The following RNF111 variants were observed in gnomAD, a reference collection of about 807,000 sequenced individuals.
The protein encoded by RNF111 is E3 ubiquitin-protein ligase Arkadia.
Under a neutral mutation model 95.1 loss-of-function variants are expected in RNF111, and 17 were observed. The observed-to-expected ratio is 0.18, with a 90% CI of 0.12 to 0.27. RNF111 has a LOEUF of 0.27. Ranked by LOEUF, RNF111 falls within the 10% of genes least tolerant of loss-of-function variation. The pLI is 1.00. For missense variants in RNF111, 1,189 were observed against 1,210.4 expected (o/e 0.98, Z 0.26); for synonymous variants, 440 against 414.8 (o/e 1.06, Z -0.74).
In RNF111 at chr15:59,096,960, C is replaced by A. The variant is rs1317631350; in HGVS notation, c.*2060C>A. 1 of 152,140 alleles carries A rather than the reference C, an allele frequency of 6.6e-6. No homozygotes were observed. Among genetic ancestry groups the A allele is most frequent in the African/African-American group, 2.4e-5 (1 of 41,432 alleles). The allele number at this position is 152,140 out of a possible 1,614,324, so 9.4% of individuals were successfully genotyped here. On this transcript the variant is annotated 3_prime_UTR_variant, in exon 14 of 14. Coordinates refer to ENST00000348370, the MANE Select transcript of RNF111 (RefSeq NM_017610.8). ...TACATCAGATTTAGATGCACGACTA[C>A]CTGTTGACTTGTTTTATAATTGCTA...
Position 59,031,396 on chromosome 15 carries a change from G to C in RNF111, c.574G>C (p.Val192Leu), listed in dbSNP as rs749652270. Residue 192 changes from valine to leucine, a missense_variant, in exon 2 of 14, where the codon GTA (valine) becomes CTA (leucine). Val to Leu is a conservative substitution (Grantham distance 32). Transcript: ENST00000348370. ...HKWPRTETES[V>L]SGLLMKRPCL... is the part of the protein sequence containing the mutation. ...GTGGCCTCGGACTGAGACAGAATCT[G>C]TATCGGGATTGTTAATGAAAAGACC... 2 of 1,614,234 alleles carry C rather than the reference G, an allele frequency of 1.2e-6. No individual in the cohort carries two copies. Among genetic ancestry groups the C allele is most frequent in the Non-Finnish European group, 1.7e-6 (2 of 1,180,048 alleles).
chr15:59,088,912 A>G (rs950388684), intron 10 of RNF111, among the ~76,000 whole-genome samples: 1 of 152,198 alleles, frequency 6.6e-6, no homozygotes, highest in Non-Finnish European at 1.5e-5. Context: ...CTTCAGCTCT[A>G]TGCTTGGGTG....
chr15:59,006,064 C>T lies in RNF111; in HGVS notation c.-20+17996C>T, dbSNP rs193208836. 3.3e-5 allele frequency among the ~76,000 whole-genome samples: 5 copies of T among 152,242 alleles called. No homozygotes were observed. The East Asian group carries it at 9.6e-4, about 29-fold the overall frequency. On this transcript the variant is annotated intron_variant, in intron 1 of 13. Transcript: ENST00000348370. ...ACCATCTAAAGTATATTTTTATCTC[C>T]AGTAGGCGTGGTCATTGTCAAGAGA...
At chr15:58,997,293 A>C (rs573397413) in intron 1 of RNF111, among the ~76,000 whole-genome samples, 1 of 152,206 alleles carries the variant, frequency 6.6e-6, no homozygotes, top group East Asian at 1.9e-4. Flanking sequence ...TTGACTCTTG[A>C]GGTAGCTCTT....
At chr15:59,089,433 T>G (rs1349930801) in intron 10 of RNF111, among the ~76,000 whole-genome samples, 11 of 152,362 alleles carry the variant, frequency 7.2e-5, no homozygotes, top group African/African-American at 2.4e-4. Context: ...TTTTCAAGTT[T>G]GAGCTACTAA....
At chr15:59,051,128 G>A (rs1230740055) in intron 2 of RNF111, among the ~76,000 whole-genome samples, 3 of 152,142 alleles carry the variant, frequency 2.0e-5, no homozygotes, top group African/African-American at 7.2e-5. Context: ...TCCAAGTTTA[G>A]AATGATTTAG....
intron 2 of RNF111, among the ~76,000 whole-genome samples, chr15:59,036,926 G>A (rs2041207314): frequency 6.6e-6 from 1 of 151,870 alleles, no homozygotes; most frequent in East Asian, 1.9e-4. Context: ...ACCTCCTTGG[G>A]CTCAGGTGAT....
chr15:59,047,516 A>G (rs1367145622), intron 2 of RNF111, among the ~76,000 whole-genome samples: 1 of 152,120 alleles, frequency 6.6e-6, no homozygotes, highest in Admixed American at 6.5e-5. Flanking sequence ...GACAAAAACC[A>G]GAGTAACTAA....
intron 5 of RNF111, among the ~76,000 whole-genome samples, chr15:59,063,284 C>T (rs1410160350): frequency 1.3e-5 from 2 of 152,178 alleles, no homozygotes; most frequent in Admixed American, 6.5e-5. Context: ...ATGTTAAAGG[C>T]CAGGACTTTC....
At chr15:59,072,163 T>C (rs2042955840) in intron 6 of RNF111, among the ~76,000 whole-genome samples, 1 of 152,194 alleles carries the variant, frequency 6.6e-6, no homozygotes, top group South Asian at 2.1e-4. Context: ...CTTGCCTTAA[T>C]GTTGGTGGCT....
chr15:59,027,850 T>TTC (rs2040699108), intron 1 of RNF111, among the ~76,000 whole-genome samples: 2 of 150,770 alleles, frequency 1.3e-5, no homozygotes, highest in Admixed American at 1.3e-4. Flanking sequence ...TTTTTTTTTT[T>TTC]TCCCCACTCT....
chr15:59,072,450 CTTTTTTTTTTTT>C (rs35989790), intron 6 of RNF111, among the ~76,000 whole-genome samples: 1 of 102,770 alleles, frequency 9.7e-6, no homozygotes, highest in Non-Finnish European at 1.8e-5. Flanking sequence ...TCATTTCCAT[CTTTTTTTTTTTT>C]TTTTTTTTTT....
At chr15:59,042,207 A>G (rs2041497531) in intron 2 of RNF111, among the ~76,000 whole-genome samples, 1 of 151,788 alleles carries the variant, frequency 6.6e-6, no homozygotes, top group Non-Finnish European at 1.5e-5. Context: ...GCTCATTGCA[A>G]CCTCAGCCTC....
chr15:59,053,948 T>C (rs1259204184), intron 3 of RNF111, among the ~76,000 whole-genome samples: 1 of 152,180 alleles, frequency 6.6e-6, no homozygotes, highest in Admixed American at 6.5e-5. Flanking sequence ...TAATTATTTA[T>C]TTTTTGAGAC....
At chr15:59,066,239 C>T (rs2042649735) in intron 5 of RNF111, among the ~76,000 whole-genome samples, 1 of 152,180 alleles carries the variant, frequency 6.6e-6, no homozygotes, top group Non-Finnish European at 1.5e-5. Flanking sequence ...AAATATGAGC[C>T]TCCTGAAGAA....
At chr15:59,066,680 T>A (rs747957830) in intron 5 of RNF111, 84 bp from the exon 6 acceptor site, 31 of 1,037,156 alleles carry the variant, frequency 3.0e-5, no homozygotes, top group Admixed American at 4.8e-5. Flanking sequence ...TCTTTAAACA[T>A]TTATTATTTA....
At chr15:59,059,939 A>T (rs574143920) in intron 5 of RNF111, among the ~76,000 whole-genome samples, 1 of 152,344 alleles carries the variant, frequency 6.6e-6, no homozygotes, top group South Asian at 2.1e-4. Flanking sequence ...TTCTTTTAAT[A>T]TTCATGTAAT....
At chr15:59,071,620 A>C (rs1596272252) in intron 6 of RNF111, among the ~76,000 whole-genome samples, 1 of 149,310 alleles carries the variant, frequency 6.7e-6, no homozygotes, top group Admixed American at 6.7e-5. Context: ...GCTTGAGCCT[A>C]GGAGGTGGAG....
intron 9 of RNF111, 132 bp from the exon 10 acceptor site, chr15:59,085,527 T>G: frequency 1.3e-6 from 1 of 748,286 alleles, no homozygotes; most frequent in Non-Finnish European, 1.9e-6. Context: ...TATTTTGGGC[T>G]AAATTATCTT....
Sources: allele counts gnomAD v4.1 joint callset (sites outside exome capture counted in the v4.1 genomes callset), GRCh38; gene constraint gnomAD v4.1.1; transcripts MANE v1.5; gene names NCBI Gene and HGNC (gene_info 2026-07-23, HGNC 2026-07-21).